The following MYH9 variants were observed in gnomAD, a reference collection of about 807,000 sequenced individuals.
MYH9 encodes the protein myosin-9.
MYH9 carries 29 observed loss-of-function variants against 241.9 expected under a neutral mutation model. That is an observed-to-expected ratio of 0.12 (90% CI 0.09 to 0.16). The LOEUF is 0.16. Among genes scored for constraint, MYH9 ranks in the 10% least tolerant of loss-of-function variants. The pLI is 1.00. For synonymous variants in MYH9, 1,047 were observed against 1,062.6 expected (o/e 0.99, Z 0.29); for missense variants, 1,803 against 2,595.5 (o/e 0.69, Z 6.63).
rs1603482978 is a variant in MYH9, at chr22:36,297,133, A to G, written c.3101-119T>C. On this transcript the variant is annotated intron_variant, in intron 24 of 40. Coordinates refer to ENST00000216181, the MANE Select transcript of MYH9 (RefSeq NM_002473.6). ...ACGTGTGTCAGGCTTAAAGCATCAC[A>G]AACACACAGACACTCGCACCCAACT... is the stretch of plus-strand genomic sequence containing the variant. 28 of 1,189,184 alleles carry G rather than the reference A, an allele frequency of 2.4e-5. No homozygotes were observed. The East Asian group carries it at 6.6e-4, about 28-fold the overall frequency. The allele number at this position is 1,189,184 out of a possible 1,614,324, so 73.7% of individuals were successfully genotyped here. A position where few individuals can be genotyped will look rare whatever the true frequency, so the allele number is the denominator to read the frequency against.
At position 36,349,199 on chromosome 22, in the gene MYH9, T is replaced by G. The variant is rs1409179671; in HGVS notation, c.38A>C (p.Asp13Ala). The part of the protein sequence containing the change: ...QQAADKYLYV[D>A]KNFINNPLAQ... ...CAGCGGATTGTTGATGAAGTTTTTATCCACATAGAGATACTTATCGGCAGC... is the reference window on the plus strand; with the variant it reads ...CAGCGGATTGTTGATGAAGTTTTTAGCCACATAGAGATACTTATCGGCAGC... The change falls in exon 2 of 41, where the codon GAT becomes GCT. Residue 13 changes from aspartate to alanine, a missense_variant. Asp to Ala is a moderately radical substitution (Grantham distance 126, BLOSUM62 -2). Around this residue, in one of 11 missense-constraint regions of MYH9, gnomAD observed 75 missense variants for 79.1 expected, o/e 0.95. Coordinates refer to ENST00000216181, the MANE Select transcript of MYH9 (RefSeq NM_002473.6). The G allele has an allele frequency of 6.2e-7, 1 of 1,614,078 alleles. No individual in the cohort carries two copies. Among genetic ancestry groups the G allele is most frequent in the Non-Finnish European group, 8.5e-7 (1 of 1,180,042 alleles).
In MYH9 at chr22:36,295,835, T is replaced by A; in HGVS notation, c.3273-118A>T. The A allele has an allele frequency of 3.3e-6, 3 of 916,228 alleles. No individual in the cohort carries two copies. The East Asian group carries it at 7.9e-5, about 24-fold the overall frequency. 56.8% of individuals were successfully genotyped at this position (916,228 alleles called of 1,614,324 possible). A position where few individuals can be genotyped will look rare whatever the true frequency, so the allele number is the denominator to read the frequency against. On this transcript the variant is annotated intron_variant, in intron 25 of 40. Coordinates refer to ENST00000216181, the MANE Select transcript of MYH9 (RefSeq NM_002473.6). The surrounding 1 kb of genome is among the most constrained non-coding windows in gnomAD (Gnocchi z 4.1). ...AAGCTGCCTCCTGTGGTCACAATCATGGCACTTAGGATGGCTCTCAGCAGA... is the reference window on the plus strand; with the variant it reads ...AAGCTGCCTCCTGTGGTCACAATCAAGGCACTTAGGATGGCTCTCAGCAGA...
intron 14 of MYH9, among the ~76,000 whole-genome samples, chr22:36,310,225 G>A (rs1275595836): frequency 4.6e-5 from 7 of 150,836 alleles, no homozygotes; most frequent in Non-Finnish European, 8.8e-5. Context: ...AGCCGAGATC[G>A]TGCCACTGTA....
intron 1 of MYH9, among the ~76,000 whole-genome samples, chr22:36,379,446 G>A (rs530834700): frequency 4.6e-5 from 7 of 152,198 alleles, no homozygotes; most frequent in African/African-American, 1.2e-4. Flanking sequence ...GAGGTGGAGC[G>A]TGCAGTGAGC....
chr22:36,302,482 T>C lies in MYH9; in HGVS notation c.2499+86A>G, dbSNP rs909418323. 11 of 1,221,998 alleles carry C rather than the reference T, an allele frequency of 9.0e-6. No individual in the cohort carries two copies. The Admixed American group carries it at 1.9e-4, about 21-fold the overall frequency. 75.7% of individuals were successfully genotyped at this position (1,221,998 alleles called of 1,614,324 possible). Reference sequence around the variant, plus strand: ...GGGCGACATGGTGAGACCACACCTCTACAAAAAATACAAACAATTAGCCAG... The same window carrying C: ...GGGCGACATGGTGAGACCACACCTCCACAAAAAATACAAACAATTAGCCAG... On this transcript the variant is annotated intron_variant, in intron 20 of 40. Transcript: ENST00000216181.
intron 1 of MYH9, among the ~76,000 whole-genome samples, chr22:36,353,413 T>C (rs969170631): frequency 6.6e-6 from 1 of 151,866 alleles, no homozygotes; most frequent in Non-Finnish European, 1.5e-5. Flanking sequence ...CAGGCTGGAG[T>C]GCAATGGCAA....
intron 5 of MYH9, among the ~76,000 whole-genome samples, chr22:36,326,119 G>C (rs757757219): frequency 6.6e-6 from 1 of 152,150 alleles, no homozygotes; most frequent in African/African-American, 2.4e-5. Context: ...TTCTGTCTTC[G>C]CTGGGGTGGT....
At chr22:36,356,750 G>A (rs1455493025) in intron 1 of MYH9, among the ~76,000 whole-genome samples, 1 of 152,188 alleles carries the variant, frequency 6.6e-6, no homozygotes, top group Admixed American at 6.5e-5. Flanking sequence ...TTCTAATGAG[G>A]TCGCGCGGCA....
chr22:36,343,164 T>C (rs892289231), intron 2 of MYH9, among the ~76,000 whole-genome samples: 8 of 152,038 alleles, frequency 5.3e-5, no homozygotes, highest in African/African-American at 1.2e-4. Flanking sequence ...CCAAAGGCTA[T>C]GGCACAGGGA....
At chr22:36,302,385 T>C (rs943360714) in intron 20 of MYH9, 183 bp downstream of exon 20, 3 of 576,552 alleles carry the variant, frequency 5.2e-6, no homozygotes, top group African/African-American at 3.7e-5. Context: ...CAGTGGCTCA[T>C]GCCTGTAATT....
chr22:36,318,452 G>A (rs183984748), intron 10 of MYH9, 127 bp from the exon 11 acceptor site: 84 of 807,700 alleles, frequency 1.0e-4, no homozygotes, highest in African/African-American at 9.7e-4. Context: ...AGAAAGCCAC[G>A]GGGTGAATGA....
intron 1 of MYH9, among the ~76,000 whole-genome samples, chr22:36,367,100 C>T (rs1603484430): frequency 6.6e-6 from 1 of 152,306 alleles, no homozygotes; most frequent in East Asian, 1.9e-4. Context: ...GTCCCCTGGT[C>T]ACAAGCTCAA....
chr22:36,281,531 CG>C lies in MYH9; in HGVS notation c.*1136del, dbSNP rs1004074279. ...TTAAAAAAAAAAAATGCCTTCTTGC[CG>C]TAAGTCTCAATGCAGCATATACAAA... is the stretch of plus-strand genomic sequence containing the variant. On this transcript the variant is annotated 3_prime_UTR_variant, in exon 41 of 41. Transcript: ENST00000216181. The C allele has an allele frequency of 1.4e-4, 31 of 227,904 alleles. No homozygotes were observed. Among genetic ancestry groups the C allele is most frequent in the African/African-American group, 5.6e-4 (25 of 44,942 alleles). 14.1% of individuals were successfully genotyped at this position (227,904 alleles called of 1,614,324 possible).
intron 2 of MYH9, among the ~76,000 whole-genome samples, chr22:36,345,907 G>T (rs1337300872): frequency 6.6e-6 from 1 of 152,188 alleles, no homozygotes; most frequent in Non-Finnish European, 1.5e-5. Context: ...CCAGCACTTT[G>T]GGAGGACGAG....
chr22:36,358,335 G>T (rs938877054), intron 1 of MYH9, among the ~76,000 whole-genome samples: 1 of 152,106 alleles, frequency 6.6e-6, no homozygotes, highest in African/African-American at 2.4e-5. Context: ...AAAGTGCTGG[G>T]ATTATAGGTG....
At chr22:36,364,226 G>A (rs1011276829) in intron 1 of MYH9, among the ~76,000 whole-genome samples, 6 of 152,118 alleles carry the variant, frequency 3.9e-5, no homozygotes, top group Non-Finnish European at 7.4e-5. Context: ...CAAAAAAAGC[G>A]AATGAATGAG....
Position 36,295,137 on chromosome 22 carries a change from G to T in MYH9, c.3486-61C>A. ...GATGCTGGAGCGAGGCTGTCCCTGG[G>T]GCTCTTCCCTGACCAAAGAGAGGCC... On this transcript the variant is annotated intron_variant, in intron 26 of 40. Transcript: ENST00000216181. This position sits in a 1 kb window ranked among gnomAD's most constrained non-coding sequence, Gnocchi z 4.1. The T allele has an allele frequency of 1.2e-6, 2 of 1,611,434 alleles. No homozygotes were observed. The highest frequency in any genetic ancestry group is 1.7e-6 in the Non-Finnish European group (2 of 1,178,784).
At chr22:36,357,085 T>C (rs889464395) in intron 1 of MYH9, among the ~76,000 whole-genome samples, 1 of 152,146 alleles carries the variant, frequency 6.6e-6, no homozygotes, top group African/African-American at 2.4e-5. Context: ...CCTACCATAG[T>C]GGAACATTCA....
intron 40 of MYH9, 28 bp from the exon 41 acceptor site, chr22:36,282,813 C>G (rs757674977): frequency 1.4e-5 from 22 of 1,589,826 alleles, no homozygotes; most frequent in Non-Finnish European, 1.8e-5. Context: ...AGCAGAGGGT[C>G]AGCGGGCCCG....
Sources: gnomAD v4.1 joint callset for allele counts (sites outside exome capture counted in the v4.1 genomes callset) on GRCh38, gnomAD v4.1.1 for gene constraint, gnomAD v4.1.1 regional missense constraint, Gnocchi (gnomAD v3.1) non-coding constraint, MANE v1.5 for transcripts, NCBI Gene and HGNC (gene_info 2026-07-23, HGNC 2026-07-21) for gene names.